Variants in CUX1 observed in about 807,000 individuals in gnomAD.
CUX1 encodes the protein cut like homeobox 1.
A neutral mutation model predicts 158.8 loss-of-function variants in CUX1; 31 were observed. That is an observed-to-expected ratio of 0.20 (90% CI 0.15 to 0.26). CUX1 has a LOEUF of 0.26. CUX1 is among the 10% of genes least tolerant of loss of function. The probability of loss-of-function intolerance (pLI) is 1.00; values close to 1 mark genes in which losing one functional copy is unlikely to be tolerated. For missense variants in CUX1, 1,589 were observed against 2,014.6 expected, an observed-to-expected ratio of 0.79 and a Z score of 4.04; for synonymous variants, 879 against 862.1, an observed-to-expected ratio of 1.02 and a Z score of -0.34.
chr7:102,133,673 C>T (rs1334439526), intron 8 of CUX1, among the ~76,000 whole-genome samples: 1 of 151,912 alleles, frequency 6.6e-6, no homozygotes, highest in Non-Finnish European at 1.5e-5. Context: ...GACAGGGTTT[C>T]ACCATGTTGG....
intron 2 of CUX1, among the ~76,000 whole-genome samples, chr7:101,934,852 T>G (rs1806729548): frequency 1.3e-5 from 2 of 152,230 alleles, no homozygotes; most frequent in South Asian, 2.1e-4. Flanking sequence ...AACTTTCGGG[T>G]TTTTTTCAAG....
chr7:102,256,447 T>C lies in CUX1; in HGVS notation c.*7405T>C. ...GCTGTCACTCTAGTGGTTACTATCCTCTGCCTTCCTCTCCTCCCCTACTCC... is the reference window on the plus strand; with the variant it reads ...GCTGTCACTCTAGTGGTTACTATCCCCTGCCTTCCTCTCCTCCCCTACTCC... On this transcript the variant is annotated 3_prime_UTR_variant, in exon 24 of 24. Coordinates refer to ENST00000292535, the MANE Select transcript of CUX1 (RefSeq NM_181552.4). 1 of 985,440 alleles carries C rather than the reference T, an allele frequency of 1.0e-6. No individual in the cohort carries two copies. The highest frequency in any genetic ancestry group is 1.2e-6 in the Non-Finnish European group (1 of 829,938). 61.0% of individuals were successfully genotyped at this position (985,440 alleles called of 1,614,324 possible).
chr7:102,138,630 A>G (rs1274983503), intron 8 of CUX1, among the ~76,000 whole-genome samples: 1 of 152,238 alleles, frequency 6.6e-6, no homozygotes, highest in Non-Finnish European at 1.5e-5. Context: ...ACTTCATTAT[A>G]TTAACCTTGC....
At chr7:101,954,847 CATAGAA>C (rs1178252553) in intron 2 of CUX1, among the ~76,000 whole-genome samples, 1 of 151,898 alleles carries the variant, frequency 6.6e-6, no homozygotes, top group African/African-American at 2.4e-5. Flanking sequence ...GGATGCATTA[CATAGAA>C]ATATTTGAAT....
At chr7:101,951,283 A>G (rs1809023199) in intron 2 of CUX1, among the ~76,000 whole-genome samples, 1 of 151,716 alleles carries the variant, frequency 6.6e-6, no homozygotes, top group South Asian at 2.1e-4. Flanking sequence ...GTGAGCCAAG[A>G]TCATGCCACC....
chr7:102,237,523 C>T (rs1245488980), intron 22 of CUX1, among the ~76,000 whole-genome samples: 1 of 152,144 alleles, frequency 6.6e-6, no homozygotes, highest in African/African-American at 2.4e-5. Context: ...CTCGAGCAAT[C>T]CTCCCATCTC....
intron 1 of CUX1, among the ~76,000 whole-genome samples, chr7:101,823,508 TTGGATGGTC>T (rs1792919049): frequency 6.6e-6 from 1 of 152,148 alleles, no homozygotes; most frequent in Non-Finnish European, 1.5e-5. Context: ...GCTTGAGATC[TTGGATGGTC>T]TGGATGGTCT....
At chr7:102,243,712 A>G (rs1800497109) in intron 23 of CUX1, among the ~76,000 whole-genome samples, 1 of 150,854 alleles carries the variant, frequency 6.6e-6, no homozygotes. Context: ...ATTCAAAATT[A>G]GCATGAAGTC....
chr7:101,955,396 C>T (rs1034177392), intron 2 of CUX1, among the ~76,000 whole-genome samples: 1 of 152,206 alleles, frequency 6.6e-6, no homozygotes, highest in Non-Finnish European at 1.5e-5. Context: ...CTTTACATCT[C>T]CCTGATGAGG....
At position 102,250,893 on chromosome 7, in the gene CUX1, G is replaced by A. The variant is rs186246440; in HGVS notation, c.*1851G>A. 8.3e-5 allele frequency: 82 copies of A among 985,144 alleles called. No individual in the cohort carries two copies. In the African/African-American group the frequency reaches 1.2e-3, roughly 15 times the overall value. 61.0% of individuals were successfully genotyped at this position (985,144 alleles called of 1,614,324 possible). On this transcript the variant is annotated 3_prime_UTR_variant, in exon 24 of 24. Coordinates refer to ENST00000292535, the MANE Select transcript of CUX1 (RefSeq NM_181552.4). ...TTCAATAAGCTGTTTTATCAGTTAC[G>A]GCTTCTACAAGTTTGCTAATTTAGA...
Position 102,253,548 on chromosome 7 carries a change from A to G in CUX1, c.*4506A>G, listed in dbSNP as rs1586456785. 4.1e-6 allele frequency: 4 copies of G among 985,354 alleles called. No individual in the cohort carries two copies. The highest frequency in any genetic ancestry group is 1.2e-6 in the Non-Finnish European group (1 of 829,950). 61.0% of individuals were successfully genotyped at this position (985,354 alleles called of 1,614,324 possible). On this transcript the variant is annotated 3_prime_UTR_variant, in exon 24 of 24. Transcript: ENST00000292535. ...AATGAACTCTGTTGACATTCTATGC[A>G]ATGTTTTTCATTCCTCTGATTTTAG...
intron 1 of CUX1, among the ~76,000 whole-genome samples, chr7:101,880,076 A>AT (rs5886205): frequency 2.6e-5 from 4 of 151,850 alleles, no homozygotes; most frequent in East Asian, 3.9e-4. Context: ...GAAAAGGCTG[A>AT]TTTTTTTTTA....
intron 4 of CUX1, among the ~76,000 whole-genome samples, chr7:102,080,967 T>A (rs992349474): frequency 1.4e-4 from 21 of 152,200 alleles, no homozygotes; most frequent in African/African-American, 4.8e-4. Context: ...TTCTGCCCAA[T>A]CTCTAACACA....
upstream of CUX1, chr7:101,816,008 A>T: frequency 7.2e-7 from 1 of 1,388,076 alleles, no homozygotes; most frequent in Non-Finnish European, 9.6e-7. Context: ...TCAGCCGCTC[A>T]CTCCGTCTCA....
intron 11 of CUX1, among the ~76,000 whole-genome samples, chr7:102,180,485 C>A (rs1792912146): frequency 6.6e-6 from 1 of 151,730 alleles, no homozygotes; most frequent in South Asian, 2.1e-4. Context: ...CCCACCACAC[C>A]CAGCTAGTTT....
At position 102,227,428 on chromosome 7, in the gene CUX1, T is replaced by C. The variant is rs782343373; in HGVS notation, c.3192T>C (p.Ser1064=). The C allele has an allele frequency of 2.5e-6, 4 of 1,613,980 alleles. No homozygotes were observed. The Admixed American group carries it at 5.0e-5, about 20-fold the overall frequency. Residue 1064 remains serine (S), a synonymous_variant, in exon 21 of 24, where the codon AGT becomes AGC. Coordinates refer to ENST00000292535, the MANE Select transcript of CUX1 (RefSeq NM_181552.4). ...CCCCTGAGTCCCCGATGAGTTCCAG[T>C]GAGTCGGTGAAGAGCCTGACCGAGC... ...SPAPESPMSS[S]ESVKSLTELV...
chr7:102,282,802 C>T, intron 22 of CUX1: 1 of 1,574,212 alleles, frequency 6.4e-7, no homozygotes, highest in South Asian at 1.1e-5. Flanking sequence ...TGGGCCCCCC[C>T]TCAGCCCCAC....
chr7:102,242,273 A>G (rs535066303), intron 23 of CUX1, among the ~76,000 whole-genome samples: 19 of 135,000 alleles, frequency 1.4e-4, no homozygotes, highest in Non-Finnish European at 2.7e-4. Context: ...GTACAGCAGC[A>G]CGATCTCGGC....
intron 2 of CUX1, among the ~76,000 whole-genome samples, chr7:101,944,460 G>A (rs1026061306): frequency 6.6e-6 from 1 of 152,204 alleles, no homozygotes; most frequent in East Asian, 1.9e-4. Flanking sequence ...CCTGGCTCAC[G>A]CGGGAGACGC....
Sources: gnomAD v4.1 joint callset for allele counts (sites outside exome capture counted in the v4.1 genomes callset) on GRCh38, gnomAD v4.1.1 for gene constraint, MANE v1.5 for transcripts, NCBI Gene and HGNC (gene_info 2026-07-23, HGNC 2026-07-21) for gene names.